CDK5RAP2: variants seen among roughly 807,000 people sequenced by gnomAD.
CDK5RAP2 encodes CDK5 regulatory subunit associated protein 2.
In CDK5RAP2, 147 loss-of-function variants were observed where a neutral mutation model predicts 232.9. The ratio of observed to expected loss-of-function variants is 0.63; its 90% confidence interval spans 0.55 to 0.72. The LOEUF (loss-of-function observed/expected upper bound fraction) is 0.72. Among genes scored for constraint, CDK5RAP2 ranks in the 30% least tolerant of loss-of-function variants. CDK5RAP2 has a pLI of 0.00. For missense variants in CDK5RAP2, 2,195 were observed against 2,231.5 expected, an observed-to-expected ratio of 0.98 and a Z score of 0.33; for synonymous variants, 833 against 833.7, an observed-to-expected ratio of 1.00 and a Z score of 0.01.
intron 28 of CDK5RAP2, among the ~76,000 whole-genome samples, chr9:120,413,734 T>C (rs1394188442): frequency 6.6e-6 from 1 of 151,124 alleles, no homozygotes; most frequent in East Asian, 1.9e-4. Context: ...CTGTGTTTGA[T>C]ACAACTAATA....
rs12339536 is a variant in CDK5RAP2 at position 120,422,368 on chromosome 9, T to C, written c.4004+325A>G. Among the ~76,000 whole-genome samples, 885 of 152,256 alleles carry C rather than the reference T, an allele frequency of 5.8e-3. 6 individuals are homozygous for C. The highest frequency in any genetic ancestry group is 0.019 in the African/African-American group (809 of 41,546). Reference sequence around the variant, plus strand: ...GGGGAGAAGAGAATTGGGGTCAGAATGAGAAAGGCCTCAAATGCCAGGCTA... The same window carrying C: ...GGGGAGAAGAGAATTGGGGTCAGAACGAGAAAGGCCTCAAATGCCAGGCTA... On this transcript the variant is annotated intron_variant, in intron 26 of 37. Coordinates refer to ENST00000349780, the MANE Select transcript of CDK5RAP2 (RefSeq NM_018249.6).
rs769650744 is a variant in CDK5RAP2 at position 120,550,796 on chromosome 9, T to C, written c.302A>G (p.Lys101Arg). 17 of 1,578,238 alleles carry C rather than the reference T, an allele frequency of 1.1e-5. No individual in the cohort carries two copies. In the South Asian group the frequency reaches 1.9e-4, roughly 17 times the overall value. The change falls in exon 4 of 38, where the codon AAA becomes AGA. Residue 101 changes from lysine (K) to arginine (R), a missense_variant. Lys to Arg is a conservative substitution (Grantham distance 26). Coordinates refer to ENST00000349780, the MANE Select transcript of CDK5RAP2 (RefSeq NM_018249.6). ...EFHGPTEHIY[K>R]TNIELKVEVE... Reference sequence around the variant, plus strand: ...AATGAGAAATGGGCCACTCACAGTTTTGTAGATATGTTCAGTGGGGCCATG... The same window carrying C: ...AATGAGAAATGGGCCACTCACAGTTCTGTAGATATGTTCAGTGGGGCCATG...
chr9:120,465,302 T>C (rs2037313727), intron 18 of CDK5RAP2, among the ~76,000 whole-genome samples: 1 of 152,122 alleles, frequency 6.6e-6, no homozygotes, highest in Non-Finnish European at 1.5e-5. Context: ...CTCCTCTATA[T>C]CGATTTTCAA....
chr9:120,402,112 TG>T (rs1310114063), intron 34 of CDK5RAP2, among the ~76,000 whole-genome samples: 1 of 151,750 alleles, frequency 6.6e-6, no homozygotes, highest in African/African-American at 2.4e-5. Flanking sequence ...GGCAACAGAG[TG>T]AGACCCTGTC....
At chr9:120,571,457 T>C (rs2042853243) in intron 2 of CDK5RAP2, among the ~76,000 whole-genome samples, 1 of 152,212 alleles carries the variant, frequency 6.6e-6, no homozygotes, top group East Asian at 1.9e-4. Flanking sequence ...AACTGCAAAG[T>C]CTCCTCATAA....
intron 35 of CDK5RAP2, among the ~76,000 whole-genome samples, chr9:120,397,554 AAAAAAAAAAAAG>A (rs2032602340): frequency 2.8e-5 from 4 of 140,814 alleles, no homozygotes; most frequent in South Asian, 2.2e-4. Context: ...TAAAAAAAAA[AAAAAAAAAAAAG>A]AAAAAAGAAA....
At chr9:120,423,586 A>G (rs1407634566) in intron 25 of CDK5RAP2, among the ~76,000 whole-genome samples, 1 of 152,216 alleles carries the variant, frequency 6.6e-6, no homozygotes, top group Non-Finnish European at 1.5e-5. Flanking sequence ...GTTTGAAAGG[A>G]AGCACATGAG....
chr9:120,502,541 G>A (rs558743488), intron 12 of CDK5RAP2, among the ~76,000 whole-genome samples: 4 of 152,044 alleles, frequency 2.6e-5, no homozygotes, highest in Admixed American at 6.5e-5. Flanking sequence ...CGTCTTACAC[G>A]GCTTAAGCAA....
At chr9:120,533,576 C>G (rs2041250103) in intron 7 of CDK5RAP2, among the ~76,000 whole-genome samples, 1 of 151,932 alleles carries the variant, frequency 6.6e-6, no homozygotes, top group Non-Finnish European at 1.5e-5. Context: ...GGCAAATCAC[C>G]TGAGGTCAGG....
Position 120,536,688 on chromosome 9 carries a change from G to T in CDK5RAP2, c.508-162C>A, listed in dbSNP as rs564330651. 8.3e-5 allele frequency: 64 copies of T among 773,846 alleles called. No individual in the cohort carries two copies. The African/African-American group carries it at 1.0e-3, about 12-fold the overall frequency. The allele number at this position is 773,846 out of a possible 1,614,324, so 47.9% of individuals were successfully genotyped here. Reference sequence around the variant, plus strand: ...GAGAGAATCAGTAATAAATACATTTGCCAGCCATTTTTCCCTCTTGTATCC... The same window carrying T: ...GAGAGAATCAGTAATAAATACATTTTCCAGCCATTTTTCCCTCTTGTATCC... On this transcript the variant is annotated intron_variant, in intron 6 of 37. Transcript: ENST00000349780.
At chr9:120,528,693 G>A (rs370759707) in intron 9 of CDK5RAP2, 51 bp downstream of exon 9, 1 of 1,158,618 alleles carries the variant, frequency 8.6e-7, no homozygotes, top group African/African-American at 1.5e-5. Flanking sequence ...AAAACAAGAG[G>A]CAAGAATAGG....
intron 8 of CDK5RAP2, among the ~76,000 whole-genome samples, chr9:120,529,297 G>C (rs941449821): frequency 1.7e-4 from 26 of 152,242 alleles, no homozygotes; most frequent in Non-Finnish European, 1.3e-4. Context: ...CCTGGACTAA[G>C]ACCTACCTGC....
At chr9:120,500,049 G>A (rs2039503188) in intron 12 of CDK5RAP2, among the ~76,000 whole-genome samples, 1 of 152,136 alleles carries the variant, frequency 6.6e-6, no homozygotes, top group South Asian at 2.1e-4. Flanking sequence ...AGATGAGAAT[G>A]GTCTAGAGAG....
At chr9:120,484,843 T>G (rs915702547) in intron 14 of CDK5RAP2, among the ~76,000 whole-genome samples, 1 of 152,026 alleles carries the variant, frequency 6.6e-6, no homozygotes, top group African/African-American at 2.4e-5. Context: ...TCCTCTTGAG[T>G]AGCTGGGACT....
intron 12 of CDK5RAP2, among the ~76,000 whole-genome samples, chr9:120,510,087 C>T (rs1170222225): frequency 1.8e-4 from 28 of 152,092 alleles, no homozygotes; most frequent in Non-Finnish European, 4.4e-5. Context: ...CTCCAAATGC[C>T]ATGTTTTGAT....
At chr9:120,470,641 G>A (rs2037644456) in intron 16 of CDK5RAP2, among the ~76,000 whole-genome samples, 1 of 151,022 alleles carries the variant, frequency 6.6e-6, no homozygotes, top group Non-Finnish European at 1.5e-5. Context: ...AAAAGTGTCT[G>A]ATCATTTTTT....
intron 35 of CDK5RAP2, 87 bp from the exon 36 acceptor site, chr9:120,394,725 A>G: frequency 9.0e-7 from 1 of 1,105,768 alleles, no homozygotes; most frequent in Non-Finnish European, 1.3e-6. Context: ...TAAAAAGATG[A>G]TGCTCAACCT....
At chr9:120,568,466 G>A in intron 2 of CDK5RAP2, 78 bp from the exon 3 acceptor site, 1 of 1,030,484 alleles carries the variant, frequency 9.7e-7, no homozygotes, top group Non-Finnish European at 1.5e-6. Context: ...AGAGCACAGA[G>A]AGGAAAACAA....
chr9:120,445,858 T>C (rs555777792), intron 22 of CDK5RAP2, among the ~76,000 whole-genome samples: 51 of 152,224 alleles, frequency 3.4e-4, no homozygotes, highest in Non-Finnish European at 6.3e-4. Flanking sequence ...CAGACTCATC[T>C]GTCTTTAATT....
Sources: allele counts gnomAD v4.1 joint callset (sites outside exome capture counted in the v4.1 genomes callset), GRCh38; gene constraint gnomAD v4.1.1; transcripts MANE v1.5; gene names NCBI Gene and HGNC (gene_info 2026-07-23, HGNC 2026-07-21).